RSPH14: variants seen among roughly 807,000 people sequenced by gnomAD.
The protein encoded by RSPH14 is radial spoke head 14 homolog, also known as rhabdoid tumor deletion region gene 1.
A neutral mutation model predicts 26.7 loss-of-function variants in RSPH14; 20 were observed. That is an observed-to-expected ratio of 0.75 (90% CI 0.53 to 1.09). The LOEUF is 1.09. Among genes scored for constraint, RSPH14 ranks in the 50% least tolerant of loss-of-function variants. RSPH14 has a pLI of 0.00. For missense variants in RSPH14, 449 were observed against 457.2 expected (o/e 0.98, Z 0.16); for synonymous variants, 177 against 189.3 (o/e 0.93, Z 0.53).
chr22:23,063,857 C>A, intron 5 of RSPH14, 45 bp downstream of exon 5: 1 of 1,586,808 alleles, frequency 6.3e-7, no homozygotes. Context: ...AGCTCAGGTG[C>A]CTTCTCCCAG....
the RSPH14 span, chr22:23,162,625 T>A: frequency 4.4e-5 from 20 of 456,142 alleles, no homozygotes; most frequent in Non-Finnish European, 7.9e-5. Context: ...CCCAGTATGC[T>A]CATCCACAGG....
chr22:23,142,068 T>G (rs2070615767), upstream of RSPH14: 4 of 983,222 alleles, frequency 4.1e-6, no homozygotes, highest in South Asian at 1.4e-4. Context: ...GTCGACATAA[T>G]CAGCACCCAC....
At position 23,140,300 on chromosome 22, in the gene RSPH14, G is replaced by A. The variant is rs757229381; in HGVS notation, c.121C>T (p.Gln41Ter). The A allele has an allele frequency of 9.9e-6, 16 of 1,614,196 alleles. No homozygotes were observed. The highest frequency in any genetic ancestry group is 1.3e-5 in the African/African-American group (1 of 75,050). ...LKEELQSEDL[Q>*]TRQKALMALC... ...GCCATGAGGGCTTTCTGCCTCGTCTGGAGGTCCTCTGACTGCAGCTCCTCC... is the reference window on the plus strand; with the variant it reads ...GCCATGAGGGCTTTCTGCCTCGTCTAGAGGTCCTCTGACTGCAGCTCCTCC... Residue 41 changes from glutamine to a stop codon, truncating the protein, a stop_gained, in exon 2 of 7, where the codon CAG (glutamine) becomes TAG (stop). Transcript: ENST00000216036. LOFTEE classifies it high-confidence loss of function.
At chr22:23,168,236 C>A in the RSPH14 span, among the ~76,000 whole-genome samples, 1 of 152,186 alleles carries the variant, frequency 6.6e-6, no homozygotes, top group Admixed American at 6.5e-5. Context: ...TGGGTCCACA[C>A]AGGCAGGGCT....
At chr22:23,145,548 G>A, upstream of RSPH14, 1 of 1,600,314 alleles carries the variant, frequency 6.2e-7, no homozygotes, top group Non-Finnish European at 8.5e-7. Context: ...CACAGCCATC[G>A]CTGGTGAGTC....
intron 4 of RSPH14, chr22:23,122,467 GGAGCC>G (rs1236436543): frequency 1.3e-5 from 2 of 153,110 alleles, no homozygotes; most frequent in African/African-American, 4.8e-5. Context: ...GGGCAGGGGA[GGAGCC>G]TGGCCTCTGG....
intron 4 of RSPH14, among the ~76,000 whole-genome samples, chr22:23,127,358 C>T (rs1160288426): frequency 6.6e-6 from 1 of 152,222 alleles, no homozygotes. Flanking sequence ...CCTGCTAAGT[C>T]CAGGAATGGG....
intron 4 of RSPH14, among the ~76,000 whole-genome samples, chr22:23,130,124 A>C (rs1296680440): frequency 8.8e-6 from 1 of 113,546 alleles, no homozygotes; most frequent in African/African-American, 3.0e-5. Flanking sequence ...AGAAAGAAAG[A>C]AAGAAAGAAA....
intron 4 of RSPH14, among the ~76,000 whole-genome samples, chr22:23,075,175 C>G (rs2068478766): frequency 6.6e-6 from 1 of 152,120 alleles, no homozygotes; most frequent in Non-Finnish European, 1.5e-5. Flanking sequence ...GGCCCGCAAC[C>G]TGCCTGCTGC....
chr22:23,136,621 T>G lies in RSPH14; in HGVS notation c.302+2219A>C, dbSNP rs1290617872. Among the ~76,000 whole-genome samples, 3 of 138,960 alleles carry G rather than the reference T, an allele frequency of 2.2e-5. 1 individual carries two copies. The highest frequency in any genetic ancestry group is 3.6e-3 in the Middle Eastern group (1 of 274). The allele number at this position is 138,960 out of a possible 152,430, so 91.2% of individuals were successfully genotyped here. On this transcript the variant is annotated intron_variant, in intron 3 of 6. Transcript: ENST00000216036. Reference sequence around the variant, plus strand: ...CTAAACAAATCCTTACTACCATTCATTATAAGTAGGTTGATGCAAAAGTAA... The same window carrying G: ...CTAAACAAATCCTTACTACCATTCAGTATAAGTAGGTTGATGCAAAAGTAA...
intron 4 of RSPH14, among the ~76,000 whole-genome samples, chr22:23,113,571 C>T (rs1488606055): frequency 2.0e-5 from 3 of 152,238 alleles, no homozygotes; most frequent in Non-Finnish European, 2.9e-5. Flanking sequence ...ATTTCCTTTG[C>T]GACTGATACC....
intron 4 of RSPH14, among the ~76,000 whole-genome samples, chr22:23,089,193 A>G (rs8136097): frequency 6.6e-6 from 1 of 152,202 alleles, no homozygotes; most frequent in Non-Finnish European, 1.5e-5. Context: ...CTATAAGCTG[A>G]TAAGTCTTCC....
At chr22:23,160,868 T>A in the RSPH14 span, 214 of 1,611,886 alleles carry the variant, frequency 1.3e-4, no homozygotes, top group Non-Finnish European at 1.7e-4. Flanking sequence ...GGCTGTCTTG[T>A]GGGCCCACAG....
chr22:23,135,287 C>G (rs1987043), intron 3 of RSPH14, among the ~76,000 whole-genome samples: 34,250 of 135,414 alleles, frequency 0.25, 4,246 homozygotes, highest in East Asian at 0.35. Flanking sequence ...TCCTGGCTAA[C>G]ACAGTGAAAC....
the RSPH14 span, among the ~76,000 whole-genome samples, chr22:23,172,948 TAA>T: frequency 1.8e-4 from 25 of 139,916 alleles, no homozygotes; most frequent in Admixed American, 2.9e-4. Context: ...AGACTGCATC[TAA>T]AAAAAAAAAA....
At chr22:23,134,590 C>T (rs1238890323) in intron 3 of RSPH14, among the ~76,000 whole-genome samples, 8 of 147,800 alleles carry the variant, frequency 5.4e-5, no homozygotes, top group East Asian at 2.0e-4. Context: ...ATTGGCTGGG[C>T]GCAGTGGCTC....
the RSPH14 span, chr22:23,156,224 A>C: frequency 3.6e-6 from 2 of 557,274 alleles, no homozygotes; most frequent in Non-Finnish European, 3.3e-6. Context: ...GACTTTGGCG[A>C]TCACACCCTT....
chr22:23,150,510 C>T, the RSPH14 span, among the ~76,000 whole-genome samples: 1 of 151,880 alleles, frequency 6.6e-6, no homozygotes, highest in East Asian at 1.9e-4. Context: ...ACCATGTTAG[C>T]CAGGATGGTC....
intron 4 of RSPH14, among the ~76,000 whole-genome samples, chr22:23,108,803 C>G (rs1385843734): frequency 6.6e-6 from 1 of 152,244 alleles, no homozygotes; most frequent in Non-Finnish European, 1.5e-5. Flanking sequence ...CTGGCCACCC[C>G]AAGTGTTAGC....
Sources: gnomAD v4.1 joint callset for allele counts (sites outside exome capture counted in the v4.1 genomes callset) on GRCh38, gnomAD v4.1.1 for gene constraint, MANE v1.5 for transcripts, NCBI Gene and HGNC (gene_info 2026-07-23, HGNC 2026-07-21) for gene names.